Variants in THEMIS observed in about 807,000 individuals in gnomAD.
The protein encoded by THEMIS is thymocyte selection associated, also known as protein THEMIS.
In THEMIS, 37 loss-of-function variants were observed where a neutral mutation model predicts 52.6. The ratio of observed to expected loss-of-function variants is 0.70; its 90% CI spans 0.54 to 0.93. The LOEUF is 0.93. Ranked by LOEUF, THEMIS falls within the 40% of genes least tolerant of loss-of-function variation. THEMIS has a pLI of 0.00. For synonymous variants in THEMIS, 292 were observed against 272.7 expected (o/e 1.07, Z -0.70); for missense variants, 808 against 763.1 (o/e 1.06, Z -0.69).
At chr6:127,724,726 G>C (rs1015364962) in intron 4 of THEMIS, among the ~76,000 whole-genome samples, 2 of 151,954 alleles carry the variant, frequency 1.3e-5, no homozygotes, top group South Asian at 2.1e-4. Context: ...TATTTTGCAT[G>C]TTGTTTTTAA....
At chr6:127,844,270 A>C (rs1184813091) in intron 2 of THEMIS, among the ~76,000 whole-genome samples, 2 of 151,968 alleles carry the variant, frequency 1.3e-5, no homozygotes, top group African/African-American at 4.8e-5. Context: ...TATACATAAA[A>C]GTGTTTAGAA....
chr6:127,799,861 T>C (rs889533358), intron 4 of THEMIS, among the ~76,000 whole-genome samples: 1 of 152,188 alleles, frequency 6.6e-6, no homozygotes, highest in African/African-American at 2.4e-5. Flanking sequence ...AAGGAGCCAA[T>C]TGAGGATGAT....
intron 1 of THEMIS, among the ~76,000 whole-genome samples, chr6:127,893,051 G>A (rs189246252): frequency 4.5e-4 from 69 of 152,084 alleles, no homozygotes; most frequent in African/African-American, 1.6e-3. Context: ...TGTAGAGTTA[G>A]TCTTTCTTCC....
chr6:127,843,290 T>C (rs1779111599), intron 2 of THEMIS, among the ~76,000 whole-genome samples: 1 of 151,766 alleles, frequency 6.6e-6, no homozygotes, highest in South Asian at 2.1e-4. Context: ...TTTTTTTCTA[T>C]GATTAAGCAA....
At chr6:127,741,423 A>C (rs562593713) in intron 4 of THEMIS, among the ~76,000 whole-genome samples, 2 of 152,332 alleles carry the variant, frequency 1.3e-5, no homozygotes, top group Non-Finnish European at 1.5e-5. Flanking sequence ...TCATAGAAGG[A>C]GGAAAAAATT....
chr6:127,825,806 C>T (rs990297170), intron 3 of THEMIS, among the ~76,000 whole-genome samples: 1 of 151,656 alleles, frequency 6.6e-6, no homozygotes, highest in Non-Finnish European at 1.5e-5. Context: ...TGAAAAATTA[C>T]ACTGAGTGGC....
intron 2 of THEMIS, among the ~76,000 whole-genome samples, chr6:127,844,965 CA>C (rs1371458247): frequency 2.7e-5 from 4 of 150,412 alleles, no homozygotes; most frequent in Non-Finnish European, 5.9e-5. Flanking sequence ...TTTGAGGTGT[CA>C]AAAGAGACAT....
chr6:127,697,512 A>T, the THEMIS span, among the ~76,000 whole-genome samples: 3 of 152,134 alleles, frequency 2.0e-5, no homozygotes, highest in Non-Finnish European at 4.4e-5. Flanking sequence ...CTCCCATCTC[A>T]TTCAATGAAA....
chr6:127,910,772 C>T (rs1171912482), intron 1 of THEMIS, among the ~76,000 whole-genome samples: 1 of 152,072 alleles, frequency 6.6e-6, no homozygotes, highest in African/African-American at 2.4e-5. Context: ...ATGTAGAAGC[C>T]AATATTGAGA....
chr6:127,909,971 A>C (rs1354964718), intron 1 of THEMIS: 3 of 152,262 alleles, frequency 2.0e-5, no homozygotes, highest in African/African-American at 7.2e-5. Flanking sequence ...TCATAGATCC[A>C]GTAACAGAAA....
intron 4 of THEMIS, among the ~76,000 whole-genome samples, chr6:127,750,300 A>C (rs1397144035): frequency 6.6e-6 from 1 of 151,694 alleles, no homozygotes; most frequent in Non-Finnish European, 1.5e-5. Flanking sequence ...TTTGCATTTC[A>C]TTTTATTGAG....
Position 127,813,833 on chromosome 6 carries a change from T to G in THEMIS, c.808A>C (p.Thr270Pro). ...DANWFLQLLS[T>P]EDLFEMTSKE... ...CTAGTCATTTCAAAAAGATCTTCTG[T>G]TGATAACAGCTGAAGAAACCAGTTA... The change falls in exon 4 of 6, where the codon ACA (threonine) becomes CCA (proline). Residue 270 changes from threonine to proline, a missense_variant. Transcript: ENST00000368248. 6.2e-7 allele frequency: 1 copy of G among 1,613,894 alleles called. No individual in the cohort carries two copies.
chr6:127,753,806 G>C (rs1441807540), intron 4 of THEMIS, among the ~76,000 whole-genome samples: 1 of 151,898 alleles, frequency 6.6e-6, no homozygotes, highest in Non-Finnish European at 1.5e-5. Flanking sequence ...TGCAAGTTAT[G>C]TTCTGAAGGT....
At chr6:127,759,144 A>C (rs1485135643) in intron 4 of THEMIS, among the ~76,000 whole-genome samples, 1 of 152,144 alleles carries the variant, frequency 6.6e-6, no homozygotes, top group Non-Finnish European at 1.5e-5. Context: ...TTTAAGCATA[A>C]ATTTATACAG....
At chr6:127,730,334 A>G (rs1250861108) in intron 4 of THEMIS, among the ~76,000 whole-genome samples, 1 of 150,508 alleles carries the variant, frequency 6.6e-6, no homozygotes, top group African/African-American at 2.4e-5. Context: ...AAGAAAAGAA[A>G]AGAAAAGAAG....
chr6:127,714,750 A>C (rs1308956252), intron 5 of THEMIS, among the ~76,000 whole-genome samples: 1 of 151,908 alleles, frequency 6.6e-6, no homozygotes, highest in South Asian at 2.1e-4. Context: ...ACCTCATGGA[A>C]TAGTTTCCCA....
chr6:127,881,216 A>G (rs2114428979), intron 1 of THEMIS, among the ~76,000 whole-genome samples: 1 of 152,210 alleles, frequency 6.6e-6, no homozygotes, highest in South Asian at 2.1e-4. Flanking sequence ...TCTTAAAGTA[A>G]GTCTTGCTTT....
chr6:127,828,795 T>C (rs967088135), intron 3 of THEMIS, among the ~76,000 whole-genome samples: 3 of 151,782 alleles, frequency 2.0e-5, no homozygotes, highest in Non-Finnish European at 2.9e-5. Context: ...CTACTAAAAG[T>C]ACAAAAAAAT....
chr6:127,839,022 C>T (rs567406582), intron 2 of THEMIS, among the ~76,000 whole-genome samples: 237 of 152,150 alleles, frequency 1.6e-3, no homozygotes, highest in African/African-American at 5.2e-3. Flanking sequence ...AGTACTCCCT[C>T]ATTATCCTAT....
Sources: allele counts gnomAD v4.1 joint callset (sites outside exome capture counted in the v4.1 genomes callset), GRCh38; gene constraint gnomAD v4.1.1; transcripts MANE v1.5; gene names NCBI Gene and HGNC (gene_info 2026-07-23, HGNC 2026-07-21).